ADAMTS12: variants seen among roughly 807,000 people sequenced by gnomAD.
The protein encoded by ADAMTS12 is ADAM metallopeptidase with thrombospondin type 1 motif 12, also known as A disintegrin and metalloproteinase with thrombospondin motifs 12.
Under a neutral mutation model 167.8 loss-of-function variants are expected in ADAMTS12, and 118 were observed. The observed-to-expected ratio is 0.70, with a 90% CI of 0.61 to 0.82. The LOEUF is 0.82. Ranked by LOEUF, ADAMTS12 falls within the 40% of genes least tolerant of loss-of-function variation. The pLI is 0.00. For missense variants in ADAMTS12, 1,916 were observed against 1,998.8 expected, an observed-to-expected ratio of 0.96 and a Z score of 0.79; for synonymous variants, 704 against 716.9, an observed-to-expected ratio of 0.98 and a Z score of 0.29.
Position 33,648,927 on chromosome 5 carries a change from CT to C in ADAMTS12, c.1373del (p.Lys458ArgfsTer4). 6.2e-7 allele frequency: 1 copy of C among 1,614,058 alleles called. No homozygotes were observed. The highest frequency in any genetic ancestry group is 8.5e-7 in the Non-Finnish European group (1 of 1,179,966). On this transcript the variant is annotated frameshift_variant, in exon 9 of 24. Coordinates refer to ENST00000504830, the MANE Select transcript of ADAMTS12 (RefSeq NM_030955.4). LOFTEE classifies it high-confidence loss of function. The stretch of plus-strand genomic sequence containing the variant: ...CAATGACCTTGGACTTCAAGCCTTT[CT>C]TTTTAGGTATGTCATCAAGACAGAA... ...WGFCLDDIPK[K>X]KGLKSKVIAP...
intron 3 of ADAMTS12, among the ~76,000 whole-genome samples, chr5:33,691,019 C>G (rs1301700904): frequency 6.6e-6 from 1 of 152,188 alleles, no homozygotes; most frequent in Non-Finnish European, 1.5e-5. Flanking sequence ...CTTCCCTTGG[C>G]TTAGTGACTC....
At chr5:33,676,707 C>CACACACAGAGAGAGAG (rs879440613) in intron 5 of ADAMTS12, among the ~76,000 whole-genome samples, 4 of 149,020 alleles carry the variant, frequency 2.7e-5, no homozygotes, top group African/African-American at 1.0e-4. Flanking sequence ...CACACACACA[C>CACACACAGAGAGAGAG]AGAGAGAGAG....
At chr5:33,643,572 A>C in intron 9 of ADAMTS12, 102 bp from the exon 10 acceptor site, 6 of 983,002 alleles carry the variant, frequency 6.1e-6, no homozygotes, top group African/African-American at 1.6e-5. Context: ...CTCACAATAA[A>C]TGCCACTGTT....
intron 2 of ADAMTS12, among the ~76,000 whole-genome samples, chr5:33,772,024 C>CT (rs1255094391): frequency 6.6e-6 from 1 of 151,854 alleles, no homozygotes; most frequent in Non-Finnish European, 1.5e-5. Context: ...GCCTAGCTAA[C>CT]TTTTTTTATT....
intron 2 of ADAMTS12, among the ~76,000 whole-genome samples, chr5:33,852,236 A>C (rs1749243712): frequency 6.6e-6 from 1 of 152,242 alleles, no homozygotes; most frequent in Non-Finnish European, 1.5e-5. Flanking sequence ...ATCGGCTGAG[A>C]ATACTGAAGG....
chr5:33,769,625 C>T (rs1745669591), intron 2 of ADAMTS12, among the ~76,000 whole-genome samples: 1 of 152,146 alleles, frequency 6.6e-6, no homozygotes, highest in Non-Finnish European at 1.5e-5. Flanking sequence ...GAAGAAAATG[C>T]CAAGTTTGGC....
Position 33,549,393 on chromosome 5 carries a change from G to T in ADAMTS12, c.4126-10C>A, listed in dbSNP as rs773723199. On this transcript the variant is annotated splice_polypyrimidine_tract_variant and intron_variant, in intron 20 of 23. Coordinates refer to ENST00000504830, the MANE Select transcript of ADAMTS12 (RefSeq NM_030955.4). ...TGCAGTTTCTGGAGCACTGTATGGA[G>T]AGAAAAATCAAAGGCGATCTCTGAG... 6.2e-7 allele frequency: 1 copy of T among 1,602,990 alleles called. No homozygotes were observed.
rs1742940938 is a variant in ADAMTS12 at position 33,699,943 on chromosome 5, T to TTAG, written c.635-15891_635-15889dup. ...AGATGTCAAAAAAGCACATGAAAAG[T>TTAG]TAGTCAACATCATTAGCTATCAGGG... is the stretch of plus-strand genomic sequence containing the variant. On this transcript the variant is annotated intron_variant, in intron 3 of 23. Transcript: ENST00000504830. Among the ~76,000 whole-genome samples, 7 of 151,978 alleles carry TTAG rather than the reference T, an allele frequency of 4.6e-5. No individual in the cohort carries two copies. In the South Asian group the frequency reaches 1.5e-3, roughly 32 times the overall value.
At chr5:33,846,244 T>A (rs1327923378) in intron 2 of ADAMTS12, among the ~76,000 whole-genome samples, 1 of 152,110 alleles carries the variant, frequency 6.6e-6, no homozygotes, top group Non-Finnish European at 1.5e-5. Context: ...GAAACTGGAG[T>A]TATCAGAAAA....
intron 16 of ADAMTS12, among the ~76,000 whole-genome samples, chr5:33,609,291 A>ATTTTCT (rs1449717109): frequency 1.3e-5 from 2 of 152,176 alleles, no homozygotes; most frequent in African/African-American, 4.8e-5. Context: ...TAGGATAGAA[A>ATTTTCT]AGTATTTTTA....
rs749434611 is a variant in ADAMTS12 at position 33,803,027 on chromosome 5, ATAT to A, written c.490-51482_490-51480del. ...TACCCATAATCAGCAAGTGTCACTG[ATAT>A]TATAAGATAAGGATGTCCAGGGAAC... On this transcript the variant is annotated intron_variant, in intron 2 of 23. Coordinates refer to ENST00000504830, the MANE Select transcript of ADAMTS12 (RefSeq NM_030955.4). Among the ~76,000 whole-genome samples, 14 of 152,334 alleles carry A rather than the reference ATAT, an allele frequency of 9.2e-5. 1 individual carries two copies. Among genetic ancestry groups the A allele is most frequent in the East Asian group, 3.9e-4 (2 of 5,190 alleles).
At chr5:33,818,289 G>C (rs1747743137) in intron 2 of ADAMTS12, among the ~76,000 whole-genome samples, 1 of 151,834 alleles carries the variant, frequency 6.6e-6, no homozygotes, top group Admixed American at 6.6e-5. Flanking sequence ...CCATCCCCCT[G>C]ATGACCACTG....
chr5:33,529,981 A>T (rs1744015431), intron 23 of ADAMTS12, among the ~76,000 whole-genome samples: 1 of 152,156 alleles, frequency 6.6e-6, no homozygotes. Flanking sequence ...GTGCAGTGGC[A>T]CAATCTCGGC....
chr5:33,850,481 G>A (rs1234041893), intron 2 of ADAMTS12, among the ~76,000 whole-genome samples: 5 of 152,140 alleles, frequency 3.3e-5, no homozygotes, highest in African/African-American at 1.2e-4. Context: ...CATGCCCAAA[G>A]TTACAGAGCT....
At chr5:33,571,476 C>A (rs1425998166) in intron 19 of ADAMTS12, among the ~76,000 whole-genome samples, 1 of 152,164 alleles carries the variant, frequency 6.6e-6, no homozygotes, top group Admixed American at 6.5e-5. Flanking sequence ...GGAAACTGAA[C>A]AACCTGCTCC....
chr5:33,891,935 A>C lies in ADAMTS12; in HGVS notation c.-79T>G. The C allele has an allele frequency of 6.4e-7, 1 of 1,555,304 alleles. No homozygotes were observed. Among genetic ancestry groups the C allele is most frequent in the Middle Eastern group, 2.2e-4 (1 of 4,488 alleles). ...GAAATAAAGCGCTCGCCTGTGGCCC[A>C]GCAGGAAGATGCAGGGGTGCATGGT... On this transcript the variant is annotated 5_prime_UTR_variant, in exon 1 of 24. Coordinates refer to ENST00000504830, the MANE Select transcript of ADAMTS12 (RefSeq NM_030955.4).
chr5:33,718,065 A>G (rs1250916444), intron 3 of ADAMTS12, among the ~76,000 whole-genome samples: 1 of 152,260 alleles, frequency 6.6e-6, no homozygotes, highest in African/African-American at 2.4e-5. Context: ...TCCTGGGCTG[A>G]ATACTGTGCT....
At chr5:33,566,545 C>T (rs146269946) in intron 19 of ADAMTS12, among the ~76,000 whole-genome samples, 3 of 152,058 alleles carry the variant, frequency 2.0e-5, no homozygotes, top group African/African-American at 7.2e-5. Context: ...ATTTACAAAC[C>T]CTGATTTTAA....
chr5:33,542,277 C>T (rs1744744492), intron 22 of ADAMTS12, among the ~76,000 whole-genome samples: 1 of 152,130 alleles, frequency 6.6e-6, no homozygotes, highest in Non-Finnish European at 1.5e-5. Flanking sequence ...ACCAATTCAA[C>T]AAGAGCTAAC....
Sources: gnomAD v4.1 joint callset for allele counts (sites outside exome capture counted in the v4.1 genomes callset) on GRCh38, gnomAD v4.1.1 for gene constraint, MANE v1.5 for transcripts, NCBI Gene and HGNC (gene_info 2026-07-23, HGNC 2026-07-21) for gene names.